The following SNX24 variants were observed in gnomAD, a reference collection of about 807,000 sequenced individuals.
SNX24 encodes the protein sorting nexin-24.
In SNX24, 22 loss-of-function variants were observed where a neutral mutation model predicts 28.7. The ratio of observed to expected loss-of-function variants is 0.77; its 90% CI spans 0.55 to 1.10. SNX24 has a LOEUF of 1.10. Among genes scored for constraint, SNX24 ranks in the 50% least tolerant of loss-of-function variants. The pLI is 0.00. For synonymous variants in SNX24, 69 were observed against 71.5 expected (o/e 0.96, Z 0.18); for missense variants, 221 against 201.1 (o/e 1.10, Z -0.60).
chr5:122,907,942 A>G (rs1188472793), intron 1 of SNX24, among the ~76,000 whole-genome samples: 1 of 151,654 alleles, frequency 6.6e-6, no homozygotes, highest in Non-Finnish European at 1.5e-5. Flanking sequence ...AGATTTTGGT[A>G]AGATTGAGAC....
chr5:122,899,212 G>A (rs1757329176), intron 1 of SNX24, among the ~76,000 whole-genome samples: 1 of 152,134 alleles, frequency 6.6e-6, no homozygotes, highest in Admixed American at 6.5e-5. Flanking sequence ...TGACTTTGGA[G>A]CTAGACTAGT....
chr5:122,940,960 C>G (rs552563097), intron 2 of SNX24, among the ~76,000 whole-genome samples: 77 of 152,260 alleles, frequency 5.1e-4, no homozygotes, highest in African/African-American at 1.7e-3. Flanking sequence ...TTCCTCGTCT[C>G]GTGGCCTCTT....
At chr5:122,944,429 T>C (rs1242223443) in intron 2 of SNX24, among the ~76,000 whole-genome samples, 1 of 59,100 alleles carries the variant, frequency 1.7e-5, no homozygotes, top group Non-Finnish European at 2.7e-5. Context: ...TGACATTGAT[T>C]TTTTTTTTCC....
chr5:122,861,520 G>A (rs1452854033), intron 1 of SNX24, among the ~76,000 whole-genome samples: 1 of 152,044 alleles, frequency 6.6e-6, no homozygotes. Flanking sequence ...CACTTCATTT[G>A]CTATTTCATT....
intron 3 of SNX24, among the ~76,000 whole-genome samples, chr5:122,948,352 T>C (rs1759782169): frequency 6.6e-6 from 1 of 152,160 alleles, no homozygotes; most frequent in Non-Finnish European, 1.5e-5. Flanking sequence ...AGGGAGTGGA[T>C]GCCACCAGCA....
chr5:122,854,526 A>AC (rs1755088657), intron 1 of SNX24, among the ~76,000 whole-genome samples: 1 of 149,742 alleles, frequency 6.7e-6, no homozygotes, highest in Non-Finnish European at 1.5e-5. Context: ...AAAAAAAAAA[A>AC]ACAAAAAAAA....
intron 1 of SNX24, among the ~76,000 whole-genome samples, chr5:122,889,757 T>C (rs1251440883): frequency 6.8e-6 from 1 of 147,478 alleles, no homozygotes; most frequent in African/African-American, 2.5e-5. Context: ...ATATATACAT[T>C]ATACCTCTTC....
intron 3 of SNX24, among the ~76,000 whole-genome samples, chr5:122,990,938 G>C (rs1484370645): frequency 6.6e-6 from 1 of 152,128 alleles, no homozygotes; most frequent in African/African-American, 2.4e-5. Flanking sequence ...GTCTCATTCT[G>C]TTGTCTGGAG....
intron 3 of SNX24, among the ~76,000 whole-genome samples, chr5:122,986,262 T>G (rs386602): frequency 0.22 from 33,883 of 152,150 alleles, 4,819 homozygotes; most frequent in Non-Finnish European, 0.33. Flanking sequence ...AATAGGTATT[T>G]AGTTTTGATG....
chr5:122,997,786 G>A (rs565220379), intron 3 of SNX24, among the ~76,000 whole-genome samples: 85 of 152,252 alleles, frequency 5.6e-4, no homozygotes, highest in Non-Finnish European at 1.1e-3. Flanking sequence ...AGATAAGAAT[G>A]TTATACCCTC....
At chr5:122,904,594 TG>T (rs1285050591) in intron 1 of SNX24, among the ~76,000 whole-genome samples, 5 of 152,326 alleles carry the variant, frequency 3.3e-5, no homozygotes, top group African/African-American at 1.2e-4. Flanking sequence ...TGTAATTACA[TG>T]ATCCCAGTAT....
intron 3 of SNX24, among the ~76,000 whole-genome samples, chr5:122,974,067 G>T (rs536798940): frequency 6.6e-6 from 1 of 152,136 alleles, no homozygotes; most frequent in East Asian, 1.9e-4. Context: ...GGAGTAATGT[G>T]TTGCCTCCAA....
chr5:122,996,097 T>C (rs897904657), intron 3 of SNX24, among the ~76,000 whole-genome samples: 9 of 152,232 alleles, frequency 5.9e-5, no homozygotes, highest in Non-Finnish European at 1.0e-4. Context: ...CAATAGATTT[T>C]GGTGTATTAG....
Position 123,007,832 on chromosome 5 carries a change from G to T in SNX24, c.*83G>T. ...CAATACCTACCAATTTAACCTAAAC[G>T]CTATGATATATAACAGCTCTAGCTA... On this transcript the variant is annotated 3_prime_UTR_variant, in exon 7 of 7. Transcript: ENST00000261369. The T allele has an allele frequency of 6.4e-7, 1 of 1,557,168 alleles. No homozygotes were observed. The highest frequency in any genetic ancestry group is 2.3e-5 in the East Asian group (1 of 43,832).
chr5:122,882,942 G>A (rs1363267076), intron 1 of SNX24, among the ~76,000 whole-genome samples: 1 of 152,136 alleles, frequency 6.6e-6, no homozygotes, highest in Admixed American at 6.6e-5. Context: ...AGAGGAATTG[G>A]AGAAAGCTGG....
At chr5:122,850,151 A>T (rs1193665745) in intron 1 of SNX24, among the ~76,000 whole-genome samples, 2 of 152,224 alleles carry the variant, frequency 1.3e-5, no homozygotes. Context: ...AACAAAATAC[A>T]ATCAACTGGG....
At chr5:122,925,022 C>T (rs1245591214) in intron 1 of SNX24, among the ~76,000 whole-genome samples, 3 of 142,152 alleles carry the variant, frequency 2.1e-5, no homozygotes, top group African/African-American at 5.3e-5. Flanking sequence ...CCCTCCCCTT[C>T]TCCTTCTCTC....
At chr5:122,913,330 G>T (rs1269070521) in intron 1 of SNX24, among the ~76,000 whole-genome samples, 4 of 151,342 alleles carry the variant, frequency 2.6e-5, no homozygotes, top group African/African-American at 4.9e-5. Context: ...AGACGGGGCG[G>T]CTGGCCGGGC....
chr5:122,901,299 T>A (rs1278666701), intron 1 of SNX24, among the ~76,000 whole-genome samples: 1 of 152,196 alleles, frequency 6.6e-6, no homozygotes, highest in Non-Finnish European at 1.5e-5. Context: ...CTTGTTTTCT[T>A]TTTATTATTT....
Sources: gnomAD v4.1 joint callset for allele counts (sites outside exome capture counted in the v4.1 genomes callset) on GRCh38, gnomAD v4.1.1 for gene constraint, MANE v1.5 for transcripts, NCBI Gene and HGNC (gene_info 2026-07-23, HGNC 2026-07-21) for gene names.